Variants in MYO18B observed in about 807,000 individuals in gnomAD.
MYO18B encodes unconventional myosin-XVIIIb.
MYO18B carries 204 observed loss-of-function variants against 273.0 expected under a neutral mutation model. The ratio of observed to expected loss-of-function variants is 0.75; its 90% CI spans 0.67 to 0.84. The LOEUF (loss-of-function observed/expected upper bound fraction) is 0.84, where lower values mean the gene tolerates loss of function less well. MYO18B is among the 40% of genes least tolerant of loss of function. The probability of loss-of-function intolerance (pLI) is 0.00; values close to 1 mark genes in which losing one functional copy is unlikely to be tolerated. For synonymous variants in MYO18B, 1,330 were observed against 1,305.7 expected (o/e 1.02, Z -0.40); for missense variants, 3,212 against 3,287.6 (o/e 0.98, Z 0.56).
Position 25,772,489 on chromosome 22 carries a change from CTCGGTGCCTTCTGCAGGGAAGGT to C in MYO18B, c.1849_1869+2del, listed in dbSNP as rs750535973. On this transcript the variant is annotated splice_donor_variant and coding_sequence_variant, in exon 7 of 44. Transcript: ENST00000335473. LOFTEE classifies it high-confidence loss of function. ...TGATTGTCCTCCAGCCCCGGGGGCC[CTCGGTGCCTTCTGCAGGGAAGGT>C]GAGGTGGGACCATTGTGGGCAGGGC... The C allele has an allele frequency of 6.2e-7, 1 of 1,613,824 alleles. No individual in the cohort carries two copies. Among genetic ancestry groups the C allele is most frequent in the Admixed American group, 1.7e-5 (1 of 60,024 alleles).
chr22:26,022,917 A>G (rs1325870052), intron 42 of MYO18B, among the ~76,000 whole-genome samples: 1 of 152,156 alleles, frequency 6.6e-6, no homozygotes, highest in African/African-American at 2.4e-5. Flanking sequence ...CAGCAAACCT[A>G]TGGCCTCTGT....
chr22:25,839,603 A>G (rs746970035), intron 17 of MYO18B, among the ~76,000 whole-genome samples: 28 of 152,084 alleles, frequency 1.8e-4, no homozygotes, highest in Non-Finnish European at 3.7e-4. Context: ...CCAGGGCCCT[A>G]TAGGCGCCGA....
At chr22:25,871,273 G>C (rs1057507647) in intron 22 of MYO18B, among the ~76,000 whole-genome samples, 2 of 152,070 alleles carry the variant, frequency 1.3e-5, no homozygotes, top group African/African-American at 2.4e-5. Flanking sequence ...CTGTAAAATG[G>C]GGCCATTACT....
Position 25,903,654 on chromosome 22 carries a change from G to T in MYO18B, c.4971G>T (p.Gln1657His). 6.2e-7 allele frequency: 1 copy of T among 1,608,098 alleles called. No individual in the cohort carries two copies. Among genetic ancestry groups the T allele is most frequent in the Non-Finnish European group, 8.5e-7 (1 of 1,177,186 alleles). ...QLKQKEQEAS[Q>H]LKQQVEMLQD... ...AGCAAAAGGAGCAGGAAGCCTCACA[G>T]CTGAAGCAGCAGGTGGAGATGCTAC... Residue 1657 changes from glutamine (Q) to histidine (H), a missense_variant, in exon 31 of 44, where the codon CAG (glutamine) becomes CAT (histidine). Transcript: ENST00000335473.
chr22:26,051,067 A>T, the MYO18B span, among the ~76,000 whole-genome samples: 1 of 152,218 alleles, frequency 6.6e-6, no homozygotes, highest in African/African-American at 2.4e-5. Flanking sequence ...CGCGTGTTAC[A>T]TATTTAATAC....
At chr22:25,856,486 C>T (rs938437558) in intron 21 of MYO18B, among the ~76,000 whole-genome samples, 1 of 152,222 alleles carries the variant, frequency 6.6e-6, no homozygotes, top group Non-Finnish European at 1.5e-5. Context: ...CCAGCAACTT[C>T]CATACAGAGC....
rs199977245 is a variant in MYO18B, at chr22:25,874,358, C to T, written c.4024C>T (p.Leu1342Phe). Residue 1342 changes from leucine to phenylalanine, a missense_variant, in exon 23 of 44, where the codon CTC becomes TTC. Physicochemically the swap from Leu to Phe is conservative, Grantham distance 22 (BLOSUM62 0). Coordinates refer to ENST00000335473, the MANE Select transcript of MYO18B (RefSeq NM_032608.7). ...REKLVSQSIV[L>F]FQAACKGFLS... Reference sequence around the variant, plus strand: ...GAAGCTGGTATCTCAGAGCATCGTTCTCTTCCAGGCGGCTTGCAAGGGCTT... The same window carrying T: ...GAAGCTGGTATCTCAGAGCATCGTTTTCTTCCAGGCGGCTTGCAAGGGCTT... The T allele has an allele frequency of 2.9e-5, 47 of 1,613,886 alleles. No homozygotes were observed. The African/African-American group carries it at 6.1e-4, about 21-fold the overall frequency.
Position 25,823,491 on chromosome 22 carries a change from T to G in MYO18B, c.2522-14T>G, listed in dbSNP as rs201153495. 1.2e-6 allele frequency: 2 copies of G among 1,613,142 alleles called. No homozygotes were observed. Among genetic ancestry groups the G allele is most frequent in the Non-Finnish European group, 1.7e-6 (2 of 1,179,476 alleles). On this transcript the variant is annotated splice_polypyrimidine_tract_variant and intron_variant, in intron 12 of 43. Transcript: ENST00000335473. Reference sequence around the variant, plus strand: ...AGGCCTCACTGCCACGCCTCTGTTTTGTCCCCTTTGCAGTGGGTCGGAAGC... The same window carrying G: ...AGGCCTCACTGCCACGCCTCTGTTTGGTCCCCTTTGCAGTGGGTCGGAAGC...
At chr22:25,910,801 A>G in intron 32 of MYO18B, 145 bp from the exon 33 acceptor site, 1 of 637,960 alleles carries the variant, frequency 1.6e-6, no homozygotes, top group Admixed American at 2.6e-5. Context: ...TCCCACAGAG[A>G]CACTACCACC....
intron 26 of MYO18B, among the ~76,000 whole-genome samples, 189 bp downstream of exon 26, chr22:25,891,064 T>C (rs1190026666): frequency 6.6e-6 from 1 of 152,138 alleles, no homozygotes; most frequent in Non-Finnish European, 1.5e-5. Flanking sequence ...TATGGGTGGA[T>C]AGTCCCTGGC....
chr22:25,929,417 T>C (rs2092467356), intron 34 of MYO18B, among the ~76,000 whole-genome samples: 2 of 152,152 alleles, frequency 1.3e-5, no homozygotes, highest in Admixed American at 1.3e-4. Context: ...ACAGAAGCAG[T>C]TCCAACAACC....
At chr22:25,851,437 G>A in intron 20 of MYO18B, 33 bp from the exon 21 acceptor site, 1 of 1,446,008 alleles carries the variant, frequency 6.9e-7, no homozygotes, top group Non-Finnish European at 9.5e-7. Flanking sequence ...TCTGGACTCT[G>A]TGCTCTTCTC....
intron 17 of MYO18B, among the ~76,000 whole-genome samples, chr22:25,837,338 G>A (rs2089936787): frequency 6.6e-6 from 1 of 152,154 alleles, no homozygotes; most frequent in Non-Finnish European, 1.5e-5. Flanking sequence ...ACAGGAGACT[G>A]AGGTGTGGCC....
intron 21 of MYO18B, 65 bp from the exon 22 acceptor site, chr22:25,868,255 G>T (rs2090946012): frequency 7.1e-7 from 1 of 1,417,084 alleles, no homozygotes; most frequent in South Asian, 1.2e-5. Context: ...GAGCCAGCTT[G>T]ACTTTCCCCT....
At chr22:25,774,179 C>G (rs2086828578) in intron 7 of MYO18B, among the ~76,000 whole-genome samples, 1 of 152,208 alleles carries the variant, frequency 6.6e-6, no homozygotes, top group Non-Finnish European at 1.5e-5. Flanking sequence ...CTGTACCCCT[C>G]TCTCCAAGAT....
intron 40 of MYO18B, among the ~76,000 whole-genome samples, chr22:25,995,406 T>C (rs1385255251): frequency 6.6e-6 from 1 of 152,190 alleles, no homozygotes; most frequent in Non-Finnish European, 1.5e-5. Flanking sequence ...TATAGTTGGA[T>C]TGTTTGTAAC....
intron 33 of MYO18B, among the ~76,000 whole-genome samples, chr22:25,916,536 T>C (rs191489818): frequency 8.9e-4 from 136 of 152,364 alleles, no homozygotes; most frequent in African/African-American, 2.7e-3. Flanking sequence ...GTATCTTTTG[T>C]TCTTTTTTTC....
chr22:26,055,057 T>G, the MYO18B span, among the ~76,000 whole-genome samples: 1 of 151,928 alleles, frequency 6.6e-6, no homozygotes, highest in African/African-American at 2.4e-5. Context: ...CCCCTCAGGC[T>G]TCATTAGTGA....
rs774220315 is a variant in MYO18B, at chr22:25,874,328, C to T, written c.3994C>T (p.Arg1332Ter). 6.2e-6 allele frequency: 10 copies of T among 1,613,898 alleles called. No individual in the cohort carries two copies. The highest frequency in any genetic ancestry group is 2.2e-5 in the East Asian group (1 of 44,868). ...AGVISRLEKQ[R>*]EKLVSQSIVL... is the part of the protein sequence containing the mutation. ...TGTGATCTCCAGGCTTGAGAAGCAG[C>T]GAGAGAAGCTGGTATCTCAGAGCAT... Residue 1332 changes from arginine to a stop codon, truncating the protein, a stop_gained, in exon 23 of 44, where the codon CGA becomes TGA. Transcript: ENST00000335473. LOFTEE classifies it high-confidence loss of function.
Sources: allele counts gnomAD v4.1 joint callset (sites outside exome capture counted in the v4.1 genomes callset), GRCh38; gene constraint gnomAD v4.1.1; transcripts MANE v1.5; gene names NCBI Gene and HGNC (gene_info 2026-07-23, HGNC 2026-07-21).